Variants in LGR5 observed in about 807,000 individuals in gnomAD.
LGR5 encodes leucine-rich repeat-containing G protein-coupled receptor 5.
In LGR5, 54 loss-of-function variants were observed where a neutral mutation model predicts 76.7. The observed-to-expected ratio is 0.70, with a 90% confidence interval of 0.57 to 0.88. The LOEUF (loss-of-function observed/expected upper bound fraction) is 0.88. Ranked by LOEUF, LGR5 falls within the 40% of genes least tolerant of loss-of-function variation. The pLI is 0.00. For synonymous variants in LGR5, 406 were observed against 421.9 expected, an observed-to-expected ratio of 0.96 and a Z score of 0.46; for missense variants, 1,078 against 1,073.3, an observed-to-expected ratio of 1.00 and a Z score of -0.06.
chr12:71,528,322 G>A (rs994981991), intron 3 of LGR5, among the ~76,000 whole-genome samples: 3 of 152,092 alleles, frequency 2.0e-5, no homozygotes, highest in Non-Finnish European at 2.9e-5. Flanking sequence ...GCCTGGCATG[G>A]TGGCGAACAC....
intron 1 of LGR5, among the ~76,000 whole-genome samples, chr12:71,441,315 T>C (rs1871758240): frequency 6.6e-6 from 1 of 152,140 alleles, no homozygotes; most frequent in South Asian, 2.1e-4. Flanking sequence ...CATCTGGGGC[T>C]TCATTCCTTC....
rs929071255 is a variant in LGR5 at position 71,584,339 on chromosome 12, A to G, written c.2329A>G (p.Ile777Val). ...HIALLLFTNC[I>V]LNCPVAFLSF... Reference sequence around the variant, plus strand: ...TGCCCTGTTGCTCTTCACCAACTGCATCCTAAACTGCCCTGTGGCTTTCTT... The same window carrying G: ...TGCCCTGTTGCTCTTCACCAACTGCGTCCTAAACTGCCCTGTGGCTTTCTT... Residue 777 changes from isoleucine (I) to valine (V), a missense_variant, in exon 18 of 18, where the codon ATC (isoleucine) becomes GTC (valine). Ile to Val is a conservative substitution (Grantham distance 29). Coordinates refer to ENST00000266674, the MANE Select transcript of LGR5 (RefSeq NM_003667.4). The G allele has an allele frequency of 3.7e-6, 6 of 1,614,096 alleles. No homozygotes were observed. Among genetic ancestry groups the G allele is most frequent in the Non-Finnish European group, 5.1e-6 (6 of 1,180,038 alleles).
chr12:71,504,636 A>C lies in LGR5; in HGVS notation c.235A>C (p.Ser79Arg), dbSNP rs750969036. The C allele has an allele frequency of 6.2e-7, 1 of 1,614,080 alleles. No homozygotes were observed. Among genetic ancestry groups the C allele is most frequent in the Non-Finnish European group, 8.5e-7 (1 of 1,179,988 alleles). The change falls in exon 2 of 18, where the codon AGT (serine) becomes CGT (arginine). Residue 79 changes from serine (S) to arginine (R), a missense_variant. Transcript: ENST00000266674. ...CAGAGACCTCAGTATGAACAACATCAGTCAGCTGCTCCCGAATCCCCTGCC... is the reference window on the plus strand; with the variant it reads ...CAGAGACCTCAGTATGAACAACATCCGTCAGCTGCTCCCGAATCCCCTGCC... The part of the protein sequence containing the change: ...SYLDLSMNNI[S>R]QLLPNPLPSL...
At chr12:71,569,166 T>C (rs1878486764) in intron 11 of LGR5, among the ~76,000 whole-genome samples, 1 of 152,188 alleles carries the variant, frequency 6.6e-6, no homozygotes, top group Admixed American at 6.5e-5. Context: ...TAACTCAAGA[T>C]GGATTAAGAC....
chr12:71,547,807 A>T (rs1339931651), intron 4 of LGR5, among the ~76,000 whole-genome samples: 1 of 152,144 alleles, frequency 6.6e-6, no homozygotes, highest in African/African-American at 2.4e-5. Flanking sequence ...GGGTTTCCCC[A>T]TGTTTGCCAG....
At chr12:71,570,457 G>A (rs184453829) in intron 11 of LGR5, among the ~76,000 whole-genome samples, 1 of 152,236 alleles carries the variant, frequency 6.6e-6, no homozygotes, top group Admixed American at 6.5e-5. Flanking sequence ...CCCCTTTGCA[G>A]CCTGCAGAGA....
At chr12:71,552,988 C>A in intron 4 of LGR5, 85 bp from the exon 5 acceptor site, 3 of 1,231,314 alleles carry the variant, frequency 2.4e-6, no homozygotes, top group Non-Finnish European at 3.5e-6. Context: ...TCTTGTTCAT[C>A]ATGCATGGGG....
intron 1 of LGR5, among the ~76,000 whole-genome samples, chr12:71,496,198 T>C (rs1194450005): frequency 6.6e-6 from 1 of 151,970 alleles, no homozygotes; most frequent in Non-Finnish European, 1.5e-5. Context: ...GGTGAAACTC[T>C]GTCTCTACCA....
At chr12:71,470,993 A>G (rs1004481299) in intron 1 of LGR5, among the ~76,000 whole-genome samples, 13 of 152,158 alleles carry the variant, frequency 8.5e-5, no homozygotes, top group Admixed American at 7.9e-4. Context: ...TACCAAATTC[A>G]TAACTATTTG....
intron 3 of LGR5, among the ~76,000 whole-genome samples, chr12:71,532,956 C>G (rs1393132980): frequency 6.6e-6 from 1 of 152,144 alleles, no homozygotes; most frequent in Non-Finnish European, 1.5e-5. Flanking sequence ...ACTCTAAAGG[C>G]TGAGGCGGGA....
intron 4 of LGR5, among the ~76,000 whole-genome samples, chr12:71,550,311 C>T (rs1262978803): frequency 6.6e-6 from 1 of 151,314 alleles, no homozygotes; most frequent in Non-Finnish European, 1.5e-5. Flanking sequence ...CCACCACACC[C>T]ACCTAATTTT....
At chr12:71,501,221 T>C (rs753663416) in intron 1 of LGR5, among the ~76,000 whole-genome samples, 32 of 151,990 alleles carry the variant, frequency 2.1e-4, no homozygotes, top group Non-Finnish European at 4.3e-4. Flanking sequence ...TATAGAAAAA[T>C]AAAAGGAATG....
intron 1 of LGR5, among the ~76,000 whole-genome samples, chr12:71,497,937 G>C (rs911364367): frequency 6.6e-6 from 1 of 152,088 alleles, no homozygotes; most frequent in Non-Finnish European, 1.5e-5. Context: ...TGAATTTTAA[G>C]ATGATGAACA....
At chr12:71,567,419 T>A (rs1878402095) in intron 11 of LGR5, 2 of 155,122 alleles carry the variant, frequency 1.3e-5, no homozygotes, top group South Asian at 4.0e-4. Flanking sequence ...TGGGACTTTT[T>A]TCCTCTGCCT....
intron 2 of LGR5, among the ~76,000 whole-genome samples, chr12:71,519,453 A>G (rs1258867534): frequency 6.6e-6 from 1 of 152,094 alleles, no homozygotes; most frequent in African/African-American, 2.4e-5. Context: ...CAGCTCCATG[A>G]GGTCAGGGGC....
chr12:71,449,948 CAG>C (rs1259140317), intron 1 of LGR5, among the ~76,000 whole-genome samples: 3 of 152,096 alleles, frequency 2.0e-5, no homozygotes, highest in Non-Finnish European at 4.4e-5. Flanking sequence ...CCCAAATAAA[CAG>C]AATTAAAATC....
At chr12:71,530,673 G>A (rs1227436799) in intron 3 of LGR5, among the ~76,000 whole-genome samples, 1 of 152,158 alleles carries the variant, frequency 6.6e-6, no homozygotes, top group Non-Finnish European at 1.5e-5. Flanking sequence ...TCTGAACCAG[G>A]CTGTCCTCAA....
rs143947326 is a variant in LGR5, at chr12:71,550,160, TA to T, written c.429-2912del. Reference sequence around the variant, plus strand: ...ACTTTTTTGTCATTTTCAAGACTTTTATTTTTTTATTTTTTTTTTATTTTCT... The same window carrying T: ...ACTTTTTTGTCATTTTCAAGACTTTTTTTTTTTATTTTTTTTTTATTTTCT... On this transcript the variant is annotated intron_variant, in intron 4 of 17. Coordinates refer to ENST00000266674, the MANE Select transcript of LGR5 (RefSeq NM_003667.4). Among the ~76,000 whole-genome samples the T allele has an allele frequency of 4.6e-3, 694 of 152,206 alleles. 8 individuals carry two copies. Among genetic ancestry groups the T allele is most frequent in the African/African-American group, 0.016 (665 of 41,522 alleles).
intron 11 of LGR5, among the ~76,000 whole-genome samples, chr12:71,567,981 G>A (rs1379466504): frequency 6.6e-6 from 1 of 152,156 alleles, no homozygotes; most frequent in Non-Finnish European, 1.5e-5. Flanking sequence ...TTGAATAACT[G>A]GGAGAAAGTG....
Sources: allele counts gnomAD v4.1 joint callset (sites outside exome capture counted in the v4.1 genomes callset), GRCh38; gene constraint gnomAD v4.1.1; transcripts MANE v1.5; gene names NCBI Gene and HGNC (gene_info 2026-07-23, HGNC 2026-07-21).